FIGN: variants seen among roughly 807,000 people sequenced by gnomAD.
FIGN encodes the protein fidgetin, microtubule severing factor, also known as fidgetin.
Under a neutral mutation model 51.3 loss-of-function variants are expected in FIGN, and 11 were observed. That is an observed-to-expected ratio of 0.21 (90% CI 0.13 to 0.35). The LOEUF (loss-of-function observed/expected upper bound fraction) is 0.35. Ranked by LOEUF, FIGN falls within the 10% of genes least tolerant of loss-of-function variation. The pLI is 1.00. For missense variants in FIGN, 857 were observed against 943.6 expected (o/e 0.91, Z 1.20); for synonymous variants, 407 against 363.2 (o/e 1.12, Z -1.37).
intron 2 of FIGN, among the ~76,000 whole-genome samples, chr2:163,655,785 G>GCACACACACACACACGCA (rs1553497683): frequency 6.9e-6 from 1 of 143,982 alleles, no homozygotes; most frequent in East Asian, 2.0e-4. Flanking sequence ...ACACACACAC[G>GCACACACACACACACGCA]CACACACACA....
At chr2:163,729,482 T>C (rs1450807393) in intron 2 of FIGN, among the ~76,000 whole-genome samples, 3 of 152,112 alleles carry the variant, frequency 2.0e-5, no homozygotes. Flanking sequence ...ATATTATATA[T>C]CCTTAATAAC....
chr2:163,687,176 T>C (rs1384534791), intron 2 of FIGN, among the ~76,000 whole-genome samples: 3 of 152,194 alleles, frequency 2.0e-5, no homozygotes, highest in Admixed American at 2.0e-4. Flanking sequence ...TAAAACTGTG[T>C]CAGGGGATCA....
intron 2 of FIGN, among the ~76,000 whole-genome samples, chr2:163,639,830 C>A (rs1252424494): frequency 6.6e-6 from 1 of 151,988 alleles, no homozygotes; most frequent in Admixed American, 6.5e-5. Context: ...CCTTTTGTAC[C>A]TTTTCCAAGT....
At chr2:163,724,714 G>T (rs1320698381) in intron 2 of FIGN, among the ~76,000 whole-genome samples, 2 of 152,016 alleles carry the variant, frequency 1.3e-5, no homozygotes, top group African/African-American at 4.8e-5. Flanking sequence ...ATCTTCAATG[G>T]ATTTTATTCT....
intron 2 of FIGN, among the ~76,000 whole-genome samples, chr2:163,624,708 AT>A (rs34598500): frequency 0.018 from 2,671 of 145,458 alleles, 63 homozygotes; most frequent in African/African-American, 0.05. Flanking sequence ...ATATATATAT[AT>A]TTTTTTTTTT....
chr2:163,647,559 A>C (rs1683401397), intron 2 of FIGN, among the ~76,000 whole-genome samples: 1 of 152,164 alleles, frequency 6.6e-6, no homozygotes. Flanking sequence ...CAGGTCTACC[A>C]CCTGGCCTCA....
At chr2:163,707,988 T>C (rs1684528272) in intron 2 of FIGN, among the ~76,000 whole-genome samples, 1 of 152,198 alleles carries the variant, frequency 6.6e-6, no homozygotes, top group South Asian at 2.1e-4. Context: ...CCTATTTGTC[T>C]TTATGTTACA....
intron 2 of FIGN, among the ~76,000 whole-genome samples, chr2:163,621,360 C>A (rs1280670001): frequency 6.6e-6 from 1 of 152,108 alleles, no homozygotes; most frequent in Non-Finnish European, 1.5e-5. Context: ...ATTCTATAGT[C>A]AGGGCTGGGT....
At chr2:163,681,723 C>A (rs543034200) in intron 2 of FIGN, among the ~76,000 whole-genome samples, 1 of 152,040 alleles carries the variant, frequency 6.6e-6, no homozygotes, top group African/African-American at 2.4e-5. Flanking sequence ...CTGGGAAGTT[C>A]ATCAAAGTAA....
rs1361349223 is a variant in FIGN, at chr2:163,614,965, TAG to T, written c.26-3161_26-3160del. Among the ~76,000 whole-genome samples the T allele has an allele frequency of 3.9e-5, 6 of 152,284 alleles. No homozygotes were observed. The East Asian group carries it at 9.6e-4, about 24-fold the overall frequency. On this transcript the variant is annotated intron_variant, in intron 2 of 2. Coordinates refer to ENST00000333129, the MANE Select transcript of FIGN (RefSeq NM_018086.4). ...AAAAGACAGTAGTATACAGTTTAAA[TAG>T]AGTGTCCATTTCATAGGGTATTTTT...
chr2:163,730,161 A>G (rs1684903069), intron 2 of FIGN, among the ~76,000 whole-genome samples: 2 of 152,180 alleles, frequency 1.3e-5, no homozygotes, highest in South Asian at 2.1e-4. Context: ...TCAATGTACC[A>G]TTTATTTTGA....
intron 2 of FIGN, among the ~76,000 whole-genome samples, chr2:163,673,677 C>T (rs1683914383): frequency 1.3e-5 from 2 of 152,088 alleles, no homozygotes; most frequent in Non-Finnish European, 2.9e-5. Flanking sequence ...AAACTATATG[C>T]TCTCTGGGGC....
chr2:163,624,038 A>G (rs1194013812), intron 2 of FIGN, among the ~76,000 whole-genome samples: 4 of 145,048 alleles, frequency 2.8e-5, no homozygotes, highest in Non-Finnish European at 4.6e-5. Context: ...TTTTTTTTCT[A>G]TTTGAGTACT....
intron 2 of FIGN, among the ~76,000 whole-genome samples, chr2:163,670,688 A>G (rs1559015978): frequency 6.6e-6 from 1 of 152,216 alleles, no homozygotes; most frequent in Non-Finnish European, 1.5e-5. Context: ...TAGTTAACAT[A>G]CTTGTCACCT....
intron 2 of FIGN, among the ~76,000 whole-genome samples, chr2:163,655,418 A>C (rs1683543586): frequency 6.6e-6 from 1 of 152,154 alleles, no homozygotes; most frequent in African/African-American, 2.4e-5. Context: ...ATTAACAACT[A>C]TACAGCCCAT....
At chr2:163,643,206 G>A (rs1683329692) in intron 2 of FIGN, among the ~76,000 whole-genome samples, 1 of 152,218 alleles carries the variant, frequency 6.6e-6, no homozygotes, top group Admixed American at 6.5e-5. Context: ...GAATAGAACT[G>A]AGAGTCTAGA....
intron 2 of FIGN, among the ~76,000 whole-genome samples, chr2:163,703,711 G>C (rs1377391721): frequency 1.3e-5 from 2 of 152,094 alleles, no homozygotes; most frequent in East Asian, 3.9e-4. Context: ...GACCCTCATT[G>C]CTTCCTGGCT....
intron 2 of FIGN, among the ~76,000 whole-genome samples, chr2:163,705,039 T>C (rs1391333274): frequency 6.6e-6 from 1 of 152,160 alleles, no homozygotes; most frequent in African/African-American, 2.4e-5. Flanking sequence ...TTAAGAATTA[T>C]GGTGAATTCT....
At chr2:163,680,392 A>G (rs1684041877) in intron 2 of FIGN, among the ~76,000 whole-genome samples, 3 of 152,092 alleles carry the variant, frequency 2.0e-5, no homozygotes, top group Non-Finnish European at 2.9e-5. Flanking sequence ...CAAGCACAAA[A>G]TCTTACTTCC....
Sources: allele counts gnomAD v4.1 joint callset (sites outside exome capture counted in the v4.1 genomes callset), GRCh38; gene constraint gnomAD v4.1.1; transcripts MANE v1.5; gene names NCBI Gene and HGNC (gene_info 2026-07-23, HGNC 2026-07-21).